UTRN: variants seen among roughly 807,000 people sequenced by gnomAD.
UTRN encodes the protein dystrophin-related protein 1.
Under a neutral mutation model 463.9 loss-of-function variants are expected in UTRN, and 283 were observed. The ratio of observed to expected loss-of-function variants is 0.61; its 90% CI spans 0.55 to 0.67. The LOEUF (loss-of-function observed/expected upper bound fraction) is 0.67. Among genes scored for constraint, UTRN ranks in the 30% least tolerant of loss-of-function variants. The pLI is 0.00. For missense variants in UTRN, 3,922 were observed against 4,084.3 expected (o/e 0.96, Z 1.08); for synonymous variants, 1,442 against 1,431.5 (o/e 1.01, Z -0.17).
chr6:144,739,143 G>A (rs1357795575), intron 54 of UTRN, among the ~76,000 whole-genome samples: 1 of 152,030 alleles, frequency 6.6e-6, no homozygotes, highest in African/African-American at 2.4e-5. Flanking sequence ...ATTTAACTCA[G>A]GGTATACTGT....
chr6:144,672,831 C>T (rs1781191817), intron 51 of UTRN, among the ~76,000 whole-genome samples: 1 of 152,078 alleles, frequency 6.6e-6, no homozygotes, highest in Admixed American at 6.6e-5. Flanking sequence ...CCTCTTAGCA[C>T]TGCTTTTGCT....
chr6:144,697,582 G>C (rs1444036450), intron 52 of UTRN, among the ~76,000 whole-genome samples: 2 of 152,122 alleles, frequency 1.3e-5, no homozygotes, highest in Non-Finnish European at 2.9e-5. Flanking sequence ...TAATCTATTT[G>C]AGAATAACCA....
chr6:144,690,491 A>G (rs535161670), intron 52 of UTRN, among the ~76,000 whole-genome samples: 2 of 152,268 alleles, frequency 1.3e-5, no homozygotes, highest in East Asian at 3.9e-4. Context: ...TGGAAACTGC[A>G]GGGCTTTCAG....
intron 52 of UTRN, among the ~76,000 whole-genome samples, chr6:144,690,756 C>T (rs1783317092): frequency 6.6e-6 from 1 of 152,108 alleles, no homozygotes; most frequent in African/African-American, 2.4e-5. Flanking sequence ...CTCACTACAC[C>T]AGCTCCGGAG....
intron 53 of UTRN, among the ~76,000 whole-genome samples, chr6:144,705,626 C>T (rs73591971): frequency 0.015 from 2,258 of 152,210 alleles, 48 homozygotes; most frequent in African/African-American, 0.05. Context: ...CTCCCAATAC[C>T]ATCACTATGG....
chr6:144,611,781 C>T (rs1805553507), intron 51 of UTRN, among the ~76,000 whole-genome samples: 2 of 152,090 alleles, frequency 1.3e-5, no homozygotes, highest in Admixed American at 6.6e-5. Flanking sequence ...CCATACTACC[C>T]AATGTAATTT....
chr6:144,776,848 T>C (rs941652221), intron 60 of UTRN, among the ~76,000 whole-genome samples: 1 of 152,198 alleles, frequency 6.6e-6, no homozygotes, highest in African/African-American at 2.4e-5. Flanking sequence ...TCAATTACTT[T>C]TGCACCAACT....
intron 74 of UTRN, among the ~76,000 whole-genome samples, chr6:144,848,783 A>C (rs1782236660): frequency 6.6e-6 from 1 of 152,192 alleles, no homozygotes; most frequent in Admixed American, 6.5e-5. Flanking sequence ...GAAATCACTA[A>C]CATTTAAAAA....
In UTRN at chr6:144,678,515, A is replaced by G. The variant is rs778876372; in HGVS notation, c.7589A>G (p.Gln2530Arg). ...AATTCTGAAGAGGCTACTATGCTTC[A>G]ACATCGACTGGATGATATGAACCAA... ...LGNSEEATML[Q>R]HRLDDMNQRW... Residue 2530 changes from glutamine to arginine, a missense_variant, in exon 52 of 75, where the codon CAA (glutamine) becomes CGA (arginine). Transcript: ENST00000367545. 1 of 1,613,120 alleles carries G rather than the reference A, an allele frequency of 6.2e-7. No individual in the cohort carries two copies. Among genetic ancestry groups the G allele is most frequent in the Admixed American group, 1.7e-5 (1 of 59,892 alleles).
intron 4 of UTRN, 59 bp downstream of exon 4, chr6:144,422,029 C>G (rs560875713): frequency 9.6e-5 from 136 of 1,414,534 alleles, no homozygotes; most frequent in Non-Finnish European, 1.3e-4. Flanking sequence ...ACTTGATGAC[C>G]CAGTGTGGGT....
chr6:144,404,843 G>A (rs1783245079), intron 3 of UTRN, among the ~76,000 whole-genome samples: 1 of 152,124 alleles, frequency 6.6e-6, no homozygotes, highest in Non-Finnish European at 1.5e-5. Flanking sequence ...GTGGGTCATT[G>A]ACACCTTTAA....
chr6:144,473,692 A>G (rs1225485316), intron 23 of UTRN, 28 bp from the exon 24 acceptor site: 1 of 1,590,528 alleles, frequency 6.3e-7, no homozygotes, highest in Admixed American at 1.7e-5. Context: ...ACGAAGTAAT[A>G]TCCCCCTCTG....
At chr6:144,561,330 G>A (rs1799895362) in intron 50 of UTRN, among the ~76,000 whole-genome samples, 1 of 145,256 alleles carries the variant, frequency 6.9e-6, no homozygotes, top group Non-Finnish European at 1.5e-5. Flanking sequence ...ATATGTGTGT[G>A]TTTATACACA....
Position 144,474,636 on chromosome 6 carries a change from A to G in UTRN, c.3213A>G (p.Ser1071=). The G allele has an allele frequency of 6.2e-7, 1 of 1,613,358 alleles. No homozygotes were observed. The highest frequency in any genetic ancestry group is 8.5e-7 in the Non-Finnish European group (1 of 1,179,804). The change falls in exon 25 of 75, where the codon TCA becomes TCG. Residue 1071 remains serine (S), a synonymous_variant. Coordinates refer to ENST00000367545, the MANE Select transcript of UTRN (RefSeq NM_007124.3). The stretch of plus-strand genomic sequence containing the variant: ...TTAATGAAATAGAAACAATTGAATC[A>G]TCTCTGAAAAACATGAAGGAAATAG... The part of the protein sequence containing the change: ...AFVNEIETIE[S]SLKNMKEIET...
chr6:144,587,639 G>A (rs1046326868), intron 51 of UTRN, among the ~76,000 whole-genome samples: 1 of 152,032 alleles, frequency 6.6e-6, no homozygotes, highest in African/African-American at 2.4e-5. Context: ...GTTGAATTTT[G>A]TATTTTTTAC....
intron 40 of UTRN, 91 bp from the exon 41 acceptor site, chr6:144,522,925 G>T: frequency 1.0e-6 from 1 of 980,526 alleles, no homozygotes; most frequent in Non-Finnish European, 1.4e-6. Context: ...TATTTCAAAT[G>T]AGTGTTCTAC....
At position 144,514,034 on chromosome 6, in the gene UTRN, G is replaced by A; in HGVS notation, c.5070G>A (p.Val1690=). 6.2e-7 allele frequency: 1 copy of A among 1,613,754 alleles called. No homozygotes were observed. Among genetic ancestry groups the A allele is most frequent in the Non-Finnish European group, 8.5e-7 (1 of 1,179,784 alleles). Residue 1690 remains valine (V), a synonymous_variant, in exon 36 of 75, where the codon GTG becomes GTA. Coordinates refer to ENST00000367545, the MANE Select transcript of UTRN (RefSeq NM_007124.3). ...CAACAAGTAAACAGGAAGAAATTGTGAAGGTAGCAAACACAGACATCAGTA... is the reference window on the plus strand; with the variant it reads ...CAACAAGTAAACAGGAAGAAATTGTAAAGGTAGCAAACACAGACATCAGTA... ...KKPTSKQEEI[V]KRLVSELDDA...
chr6:144,429,889 G>T, intron 9 of UTRN, 148 bp downstream of exon 9: 1 of 769,858 alleles, frequency 1.3e-6, no homozygotes, highest in African/African-American at 1.8e-5. Context: ...CAGCTTAGCA[G>T]TTAGCATTCT....
At position 144,788,471 on chromosome 6, in the gene UTRN, C is replaced by T. The variant is rs7759693; in HGVS notation, c.8835-723C>T. Among the ~76,000 whole-genome samples the T allele has an allele frequency of 4.0e-5, 6 of 151,884 alleles. No homozygotes were observed. In the South Asian group the frequency reaches 1.2e-3, roughly 32 times the overall value. ...TTAGATATATCACTAGACTTTTCTT[C>T]CTGTATGAAGTCATATATATATATA... On this transcript the variant is annotated intron_variant, in intron 61 of 74. Transcript: ENST00000367545.
Sources: gnomAD v4.1 joint callset for allele counts (sites outside exome capture counted in the v4.1 genomes callset) on GRCh38, gnomAD v4.1.1 for gene constraint, MANE v1.5 for transcripts, NCBI Gene and HGNC (gene_info 2026-07-23, HGNC 2026-07-21) for gene names.